USP47: variants seen among roughly 807,000 people sequenced by gnomAD.
The protein encoded by USP47 is ubiquitin carboxyl-terminal hydrolase 47.
USP47 carries 35 observed loss-of-function variants against 165.1 expected under a neutral mutation model. That is an observed-to-expected ratio of 0.21 (90% CI 0.16 to 0.28). The LOEUF is 0.28. USP47 is among the 10% of genes least tolerant of loss of function. The pLI is 1.00. For missense variants in USP47, 1,277 were observed against 1,607.4 expected (o/e 0.79, Z 3.52); for synonymous variants, 531 against 544.5 (o/e 0.98, Z 0.35).
intron 25 of USP47, among the ~76,000 whole-genome samples, chr11:11,953,209 A>C (rs987542482): frequency 2.6e-5 from 4 of 152,150 alleles, no homozygotes; most frequent in Non-Finnish European, 4.4e-5. Context: ...TCTAAAAAAA[A>C]CCAAATGAAG....
chr11:11,949,318 ATTC>A (rs1443513985), intron 22 of USP47, among the ~76,000 whole-genome samples: 2 of 152,176 alleles, frequency 1.3e-5, no homozygotes, highest in Admixed American at 6.6e-5. Flanking sequence ...TTGTTATAAC[ATTC>A]TGTTATAACA....
At chr11:11,878,248 C>T (rs913843198) in intron 1 of USP47, among the ~76,000 whole-genome samples, 1 of 152,110 alleles carries the variant, frequency 6.6e-6, no homozygotes, top group Non-Finnish European at 1.5e-5. Context: ...TATTACAGCA[C>T]TTTTGATTTC....
At chr11:11,900,382 G>A (rs7935208) in intron 5 of USP47, among the ~76,000 whole-genome samples, 2,172 of 151,978 alleles carry the variant, frequency 0.014, 42 homozygotes, top group African/African-American at 0.049. Context: ...GGATGGTCTC[G>A]ATCTCCTGAC....
At chr11:11,952,683 G>A in intron 24 of USP47, 58 bp from the exon 25 acceptor site, 2 of 1,452,584 alleles carry the variant, frequency 1.4e-6, no homozygotes, top group Non-Finnish European at 1.8e-6. Context: ...TAAGGGAAAA[G>A]TCAAATTATG....
intron 2 of USP47, among the ~76,000 whole-genome samples, chr11:11,883,534 T>C (rs1850964673): frequency 6.6e-6 from 1 of 152,212 alleles, no homozygotes; most frequent in Non-Finnish European, 1.5e-5. Context: ...CGTTAATCAG[T>C]GTTAATTTCC....
chr11:11,929,938 G>T, intron 12 of USP47, 106 bp from the exon 13 acceptor site: 1 of 893,176 alleles, frequency 1.1e-6, no homozygotes, highest in Non-Finnish European at 1.8e-6. Context: ...CAATCATGAA[G>T]GTCTTTGATA....
rs766456795 is a variant in USP47 at position 11,938,416 on chromosome 11, C to T, written c.2193+44C>T. On this transcript the variant is annotated intron_variant, in intron 18 of 27. Transcript: ENST00000527733. ...CTGTAAATAAATTTTTGAGAGCCTGCTATGTACAAGACACACTATGTGACA... is the reference window on the plus strand; with the variant it reads ...CTGTAAATAAATTTTTGAGAGCCTGTTATGTACAAGACACACTATGTGACA... The T allele has an allele frequency of 6.3e-6, 9 of 1,438,422 alleles. No homozygotes were observed. The South Asian group carries it at 8.2e-5, about 13-fold the overall frequency. 89.1% of individuals were successfully genotyped at this position (1,438,422 alleles called of 1,614,324 possible). A position where few individuals can be genotyped will look rare whatever the true frequency, so the allele number is the denominator to read the frequency against.
chr11:11,936,530 T>C lies in USP47; in HGVS notation c.2077+20T>C. ...CTGGAGGTGAGCAATTTTACACTAT[T>C]TTTAGTTGTTCTGTACTTAGAATTT... On this transcript the variant is annotated intron_variant, in intron 17 of 27. Transcript: ENST00000527733. 6.5e-7 allele frequency: 1 copy of C among 1,541,274 alleles called. No homozygotes were observed. The highest frequency in any genetic ancestry group is 8.8e-7 in the Non-Finnish European group (1 of 1,137,866).
intron 8 of USP47, among the ~76,000 whole-genome samples, chr11:11,917,405 G>A (rs1357535322): frequency 6.6e-6 from 1 of 152,070 alleles, no homozygotes; most frequent in Admixed American, 6.6e-5. Flanking sequence ...GGGCAGCTTC[G>A]GCAAAAGAAC....
chr11:11,924,766 G>A (rs1391534101), intron 11 of USP47, among the ~76,000 whole-genome samples: 1 of 151,974 alleles, frequency 6.6e-6, no homozygotes, highest in African/African-American at 2.4e-5. Context: ...TTCTTTTATT[G>A]TCCTTTTAAT....
chr11:11,873,292 G>A (rs1422484733), intron 1 of USP47, among the ~76,000 whole-genome samples: 1 of 151,962 alleles, frequency 6.6e-6, no homozygotes. Flanking sequence ...TTGATTATAG[G>A]TTACTTTTAT....
At chr11:11,933,474 G>A (rs1321483833) in intron 15 of USP47, among the ~76,000 whole-genome samples, 2 of 151,838 alleles carry the variant, frequency 1.3e-5, no homozygotes, top group Non-Finnish European at 2.9e-5. Context: ...AATTACCTAA[G>A]GAAATAATCA....
chr11:11,952,869 A>T lies in USP47; in HGVS notation c.3712A>T (p.Lys1238Ter). The T allele has an allele frequency of 6.3e-7, 1 of 1,598,736 alleles. No homozygotes were observed. Among genetic ancestry groups the T allele is most frequent in the Non-Finnish European group, 8.5e-7 (1 of 1,172,038 alleles). Residue 1238 changes from lysine to a stop codon, truncating the protein, a stop_gained and splice_region_variant, in exon 25 of 28, where the codon AAG becomes TAG. Transcript: ENST00000527733. LOFTEE classifies it high-confidence loss of function. The stretch of plus-strand genomic sequence containing the variant: ...CAGTAGTGTGGACGAATTGCGAGAG[A>T]AGGTAAGTTCATTTTAAACAAAACA... ...ESSSVDELREKLSEISGIPLD... is the reference protein window; with the variant it reads ...ESSSVDELRE
At chr11:11,917,031 T>C (rs989210046) in intron 8 of USP47, among the ~76,000 whole-genome samples, 1 of 152,102 alleles carries the variant, frequency 6.6e-6, no homozygotes, top group African/African-American at 2.4e-5. Context: ...AATGTGCCTG[T>C]GGTCCTAACT....
chr11:11,940,300 C>T, intron 18 of USP47, 129 bp from the exon 19 acceptor site: 1 of 923,788 alleles, frequency 1.1e-6, no homozygotes, highest in South Asian at 3.0e-5. Flanking sequence ...ATTTTAAAAC[C>T]TCTACTAAAA....
intron 16 of USP47, 107 bp downstream of exon 16, chr11:11,934,042 T>C (rs937219852): frequency 2.6e-6 from 2 of 764,232 alleles, no homozygotes; most frequent in Non-Finnish European, 4.3e-6. Flanking sequence ...GGCAGTAACC[T>C]TGGTAACTGG....
chr11:11,949,911 C>G lies in USP47; in HGVS notation c.3371C>G (p.Ala1124Gly). Residue 1124 changes from alanine to glycine, a missense_variant, in exon 23 of 28, where the codon GCT (alanine) becomes GGT (glycine). Ala to Gly is a moderately conservative substitution (Grantham distance 60). Transcript: ENST00000527733. ...EQEPCKFLLD[A>G]VFAKGMTVRQ... ...TAGCCATGCAAGTTTCTGCTAGATGCTGTGTTTGCTAAAGGAATGACTGTA... is the reference window on the plus strand; with the variant it reads ...TAGCCATGCAAGTTTCTGCTAGATGGTGTGTTTGCTAAAGGAATGACTGTA... 1 of 1,611,836 alleles carries G rather than the reference C, an allele frequency of 6.2e-7. No homozygotes were observed. The highest frequency in any genetic ancestry group is 2.2e-5 in the East Asian group (1 of 44,698).
intron 3 of USP47, among the ~76,000 whole-genome samples, chr11:11,888,121 C>T (rs1468257605): frequency 2.0e-5 from 3 of 151,900 alleles, no homozygotes; most frequent in African/African-American, 7.3e-5. Context: ...AGGAAGATGT[C>T]AAGTTAACAA....
Position 11,948,094 on chromosome 11 carries a change from C to T in USP47, c.3241C>T (p.Leu1081Phe). 1 of 1,611,142 alleles carries T rather than the reference C, an allele frequency of 6.2e-7. No individual in the cohort carries two copies. Residue 1081 changes from leucine (L) to phenylalanine (F), a missense_variant, in exon 21 of 28, where the codon CTT becomes TTT. This residue lies in a region of USP47 where 909 missense variants were observed against 1,068.1 expected (regional missense o/e 0.85). Coordinates refer to ENST00000527733, the MANE Select transcript of USP47 (RefSeq NM_001282659.2). ...EFESVRLNET[L>F]SSFSDDNKIT... ...TGAGAGCGTCCGGCTGAATGAGACA[C>T]TTTCATCATTTTCTGATGACAATAA...
Sources: allele counts gnomAD v4.1 joint callset (sites outside exome capture counted in the v4.1 genomes callset), GRCh38; gene constraint gnomAD v4.1.1; regional missense constraint gnomAD v4.1.1; transcripts MANE v1.5; gene names NCBI Gene and HGNC (gene_info 2026-07-23, HGNC 2026-07-21).